Variants in GARNL3 observed in about 807,000 individuals in gnomAD.
The protein encoded by GARNL3 is GTPase activating Rap/RanGAP domain like 3.
GARNL3 carries 63 observed loss-of-function variants against 125.0 expected under a neutral mutation model. The ratio of observed to expected loss-of-function variants is 0.50; its 90% CI spans 0.41 to 0.62. The LOEUF (loss-of-function observed/expected upper bound fraction) is 0.62. GARNL3 is among the 20% of genes least tolerant of loss of function. The pLI is 0.00. For synonymous variants in GARNL3, 439 were observed against 457.5 expected, an observed-to-expected ratio of 0.96 and a Z score of 0.52; for missense variants, 994 against 1,244.0, an observed-to-expected ratio of 0.80 and a Z score of 3.02.
At chr9:127,232,053 G>A (rs759409035) in intron 1 of GARNL3, among the ~76,000 whole-genome samples, 3 of 152,168 alleles carry the variant, frequency 2.0e-5, no homozygotes, top group East Asian at 3.8e-4. Context: ...AGGTCCAGGA[G>A]CCCACCACTT....
At chr9:127,365,096 TTTTTC>T (rs893929529) in intron 21 of GARNL3, 199 bp from the exon 22 acceptor site, 11 of 507,720 alleles carry the variant, frequency 2.2e-5, no homozygotes, top group African/African-American at 7.9e-5. Flanking sequence ...TTCTTTCTTT[TTTTTC>T]TTTTCTTTTC....
chr9:127,306,839 C>G (rs1424282497), intron 2 of GARNL3, among the ~76,000 whole-genome samples: 2 of 151,994 alleles, frequency 1.3e-5, no homozygotes, highest in African/African-American at 4.8e-5. Context: ...GAGCCAAGAT[C>G]ACGCCGCTGC....
rs373097121 is a variant in GARNL3, at chr9:127,313,516, A to G, written c.395A>G (p.Asn132Ser). Residue 132 changes from asparagine (N) to serine (S), a missense_variant, in exon 4 of 28, where the codon AAT becomes AGT. Physicochemically the swap from Asn to Ser is conservative, Grantham distance 46. Transcript: ENST00000373387. The part of the protein sequence containing the change: ...FLSVTLSDQN[N>S]QRVPQYRAIL... ...TCCGTGACCCTTTCTGACCAAAACA[A>G]TCAACGTGTCCCTCAATACCGTGCA... The G allele has an allele frequency of 6.2e-7, 1 of 1,613,922 alleles. No individual in the cohort carries two copies. The highest frequency in any genetic ancestry group is 8.5e-7 in the Non-Finnish European group (1 of 1,179,922).
rs984802967 is a variant in GARNL3, at chr9:127,280,627, C to T, written c.145-10541C>T. Among the ~76,000 whole-genome samples, 2 of 152,150 alleles carry T rather than the reference C, an allele frequency of 1.3e-5. No homozygotes were observed. The highest frequency in any genetic ancestry group is 6.5e-5 in the Admixed American group (1 of 15,272). On this transcript the variant is annotated intron_variant, in intron 1 of 27. Coordinates refer to ENST00000373387, the MANE Select transcript of GARNL3 (RefSeq NM_032293.5). The surrounding 1 kb of genome is among the most constrained non-coding windows in gnomAD (Gnocchi z 4.5). Reference sequence around the variant, plus strand: ...GTAGAAAATGTCTTGATATTTTGGACGTAGAATTGCCAATCATTCCTTCTT... The same window carrying T: ...GTAGAAAATGTCTTGATATTTTGGATGTAGAATTGCCAATCATTCCTTCTT...
At chr9:127,252,462 A>G (rs531603101) in intron 2 of GARNL3, among the ~76,000 whole-genome samples, 1 of 152,128 alleles carries the variant, frequency 6.6e-6, no homozygotes, top group South Asian at 2.1e-4. Context: ...GTCTTTTTTC[A>G]TTAAATCCAA....
At chr9:127,335,421 T>C in intron 10 of GARNL3, 88 bp downstream of exon 10, 1 of 1,071,412 alleles carries the variant, frequency 9.3e-7, no homozygotes, top group Non-Finnish European at 1.4e-6. Flanking sequence ...GCTATGCCGG[T>C]TAACATATGA....
At chr9:127,248,142 G>A (rs533333306) in intron 2 of GARNL3, among the ~76,000 whole-genome samples, 2 of 152,290 alleles carry the variant, frequency 1.3e-5, no homozygotes, top group East Asian at 3.9e-4. Context: ...TAAGCTTTTA[G>A]TTTACTGTTA....
chr9:127,338,807 A>C (rs1008827828), intron 12 of GARNL3, among the ~76,000 whole-genome samples: 5 of 152,296 alleles, frequency 3.3e-5, no homozygotes, highest in Non-Finnish European at 7.4e-5. Context: ...CTCTATCCTC[A>C]AAGCACATTG....
chr9:127,346,695 G>A (rs939762854), intron 16 of GARNL3, among the ~76,000 whole-genome samples: 4 of 152,192 alleles, frequency 2.6e-5, no homozygotes, highest in East Asian at 1.9e-4. Flanking sequence ...CCCGCAGGCC[G>A]TAGACCACCT....
intron 17 of GARNL3, among the ~76,000 whole-genome samples, chr9:127,352,827 A>G (rs953626325): frequency 6.6e-6 from 1 of 152,116 alleles, no homozygotes; most frequent in Non-Finnish European, 1.5e-5. Flanking sequence ...AAAAGAAAAG[A>G]TCCTCAGGGC....
chr9:127,371,441 G>T (rs1442827673), intron 22 of GARNL3, among the ~76,000 whole-genome samples: 1 of 152,292 alleles, frequency 6.6e-6, no homozygotes, highest in Non-Finnish European at 1.5e-5. Context: ...CCCTGATTCT[G>T]TGGGAAGCAC....
rs936406809 is a variant in GARNL3, at chr9:127,309,026, C to T, written c.220-2610C>T. On this transcript the variant is annotated intron_variant, in intron 2 of 27. Transcript: ENST00000373387. ...CTTTTATATAAATTTAAAATTATTT[C>T]CAAATAAAAATTCATATGTATGTAG... Among the ~76,000 whole-genome samples, 4 of 151,996 alleles carry T rather than the reference C, an allele frequency of 2.6e-5. No homozygotes were observed. In the South Asian group the frequency reaches 6.2e-4, roughly 24 times the overall value.
chr9:127,345,753 A>C (rs1830102895), intron 16 of GARNL3, among the ~76,000 whole-genome samples: 1 of 152,244 alleles, frequency 6.6e-6, no homozygotes, highest in African/African-American at 2.4e-5. Flanking sequence ...CTCAAGCTTT[A>C]TGTGCATACA....
At chr9:127,300,367 G>T in intron 2 of GARNL3, 1 of 288,810 alleles carries the variant, frequency 3.5e-6, no homozygotes, top group Non-Finnish European at 6.7e-6. Context: ...TCTTTTCTTT[G>T]TTTTATTTGA....
In GARNL3 at chr9:127,332,254, C is replaced by G. The variant is rs370568150; in HGVS notation, c.595-20C>G. ...TGTGATGATAAAATTAACTGTAACA[C>G]CTTTTGTTATTATCCTAAGGGCTCT... On this transcript the variant is annotated intron_variant, in intron 7 of 27. Transcript: ENST00000373387. 6.3e-7 allele frequency: 1 copy of G among 1,589,802 alleles called. No homozygotes were observed. Among genetic ancestry groups the G allele is most frequent in the Non-Finnish European group, 8.6e-7 (1 of 1,158,010 alleles).
At chr9:127,333,229 A>G in intron 9 of GARNL3, 108 bp downstream of exon 9, 1 of 831,874 alleles carries the variant, frequency 1.2e-6, no homozygotes, top group Non-Finnish European at 2.0e-6. Context: ...TGGATGAGAG[A>G]AGACTGGAGG....
At chr9:127,278,546 T>C (rs1350107966) in intron 1 of GARNL3, among the ~76,000 whole-genome samples, 1 of 152,228 alleles carries the variant, frequency 6.6e-6, no homozygotes, top group Non-Finnish European at 1.5e-5. Context: ...CTCTGATTCA[T>C]AGCTTTCACA....
intron 4 of GARNL3, 107 bp downstream of exon 4, chr9:127,313,666 T>C (rs2065155966): frequency 1.3e-6 from 1 of 794,482 alleles, no homozygotes; most frequent in Non-Finnish European, 2.2e-6. Context: ...TGCCTCATAG[T>C]CTTCTCGTGA....
In GARNL3 at chr9:127,255,171, T is replaced by C. The variant is rs537277478; in HGVS notation, c.144-9781T>C. Reference sequence around the variant, plus strand: ...TGGGTATGGAATCTAGGGATATGATTGCACTGGTATTCAAGGTGGCATGTA... The same window carrying C: ...TGGGTATGGAATCTAGGGATATGATCGCACTGGTATTCAAGGTGGCATGTA... On this transcript the variant is annotated intron_variant, in intron 2 of 10. Transcript: ENST00000439286. Among the ~76,000 whole-genome samples the C allele has an allele frequency of 7.4e-4, 112 of 152,356 alleles. 1 individual carries two copies. The highest frequency in any genetic ancestry group is 1.9e-3 in the South Asian group (9 of 4,824).
Sources: allele counts gnomAD v4.1 joint callset (sites outside exome capture counted in the v4.1 genomes callset), GRCh38; gene constraint gnomAD v4.1.1; non-coding constraint Gnocchi (gnomAD v3.1); transcripts MANE v1.5; gene names NCBI Gene and HGNC (gene_info 2026-07-23, HGNC 2026-07-21).